ATXN7L1: variants seen among roughly 807,000 people sequenced by gnomAD.
ATXN7L1 encodes the protein ataxin-7-like protein 1.
In ATXN7L1, 15 loss-of-function variants were observed where a neutral mutation model predicts 70.8. The observed-to-expected ratio is 0.21, with a 90% CI of 0.14 to 0.33. ATXN7L1 has a LOEUF of 0.33. Ranked by LOEUF, ATXN7L1 falls within the 10% of genes least tolerant of loss-of-function variation. The probability of loss-of-function intolerance (pLI) is 1.00; values close to 1 mark genes in which losing one functional copy is unlikely to be tolerated. For missense variants in ATXN7L1, 975 were observed against 1,097.1 expected, an observed-to-expected ratio of 0.89 and a Z score of 1.57; for synonymous variants, 440 against 445.1, an observed-to-expected ratio of 0.99 and a Z score of 0.14.
At chr7:105,856,901 C>A (rs965962133) in intron 2 of ATXN7L1, among the ~76,000 whole-genome samples, 2 of 151,806 alleles carry the variant, frequency 1.3e-5, no homozygotes, top group Admixed American at 1.3e-4. Context: ...ACTAACACTA[C>A]CAAAGAAAAC....
chr7:105,676,483 G>A (rs1013611714), intron 3 of ATXN7L1, among the ~76,000 whole-genome samples: 2 of 152,194 alleles, frequency 1.3e-5, no homozygotes, highest in Non-Finnish European at 2.9e-5. Context: ...GGGCACGGGG[G>A]AGCCACAGAC....
At chr7:105,607,975 CTCA>C (rs1003868097) in intron 11 of ATXN7L1, 85 bp from the exon 12 acceptor site, 1 of 1,255,486 alleles carries the variant, frequency 8.0e-7, no homozygotes, top group Non-Finnish European at 1.1e-6. Context: ...ACTTAGTTTT[CTCA>C]TCTATAATAG....
chr7:105,685,493 C>G (rs1806071418), intron 3 of ATXN7L1, among the ~76,000 whole-genome samples: 1 of 152,178 alleles, frequency 6.6e-6, no homozygotes. Context: ...TAATGAGATT[C>G]CTGATCTCCT....
At chr7:105,815,605 A>T (rs1246093208) in intron 2 of ATXN7L1, among the ~76,000 whole-genome samples, 1 of 152,216 alleles carries the variant, frequency 6.6e-6, no homozygotes, top group Non-Finnish European at 1.5e-5. Flanking sequence ...GCACTTTCAG[A>T]CCCACATGGC....
chr7:105,677,950 C>G, intron 3 of ATXN7L1: 1 of 985,444 alleles, frequency 1.0e-6, no homozygotes. Context: ...ACTCACCCCA[C>G]AGACTGTCGT....
intron 3 of ATXN7L1, among the ~76,000 whole-genome samples, chr7:105,705,501 A>G (rs17151401): frequency 0.094 from 14,236 of 152,178 alleles, 724 homozygotes; most frequent in Non-Finnish European, 0.12. Flanking sequence ...TTTGATTGAC[A>G]TATGGCCTTG....
intron 2 of ATXN7L1, among the ~76,000 whole-genome samples, chr7:105,794,623 A>G (rs1199640599): frequency 6.6e-6 from 1 of 152,342 alleles, no homozygotes; most frequent in East Asian, 1.9e-4. Flanking sequence ...TATGAACTGA[A>G]CTGAAATGGA....
At chr7:105,769,189 A>G (rs945291679) in intron 3 of ATXN7L1, among the ~76,000 whole-genome samples, 2 of 152,236 alleles carry the variant, frequency 1.3e-5, no homozygotes, top group Non-Finnish European at 2.9e-5. Context: ...AAGATACTGT[A>G]GAAATGGAAG....
At chr7:105,873,137 G>C (rs1585207394) in intron 2 of ATXN7L1, among the ~76,000 whole-genome samples, 1 of 149,524 alleles carries the variant, frequency 6.7e-6, no homozygotes, top group African/African-American at 2.5e-5. Context: ...CTGGGCGGCA[G>C]AGCAAGACTC....
intron 4 of ATXN7L1, among the ~76,000 whole-genome samples, chr7:105,660,808 C>T (rs778817032): frequency 6.6e-6 from 1 of 152,042 alleles, no homozygotes; most frequent in Non-Finnish European, 1.5e-5. Flanking sequence ...GTCTTGAACT[C>T]CTGACCTCGT....
chr7:105,852,652 C>T (rs1200635622), intron 2 of ATXN7L1, among the ~76,000 whole-genome samples: 5 of 151,832 alleles, frequency 3.3e-5, no homozygotes, highest in African/African-American at 4.8e-5. Flanking sequence ...AGGTGCACCT[C>T]GGCTGGCTTA....
chr7:105,751,941 G>A (rs552638505), intron 3 of ATXN7L1, among the ~76,000 whole-genome samples: 2 of 152,328 alleles, frequency 1.3e-5, no homozygotes, highest in Non-Finnish European at 2.9e-5. Context: ...CCATAATCTT[G>A]AAAACCACCC....
chr7:105,632,921 TAAAAA>T (rs11417434), intron 7 of ATXN7L1, among the ~76,000 whole-genome samples: 1 of 60,040 alleles, frequency 1.7e-5, no homozygotes, highest in Admixed American at 3.1e-4. Context: ...ATCTTGTCTT[TAAAAA>T]AAAAAAAAAA....
At chr7:105,766,285 C>T (rs1241881575) in intron 3 of ATXN7L1, among the ~76,000 whole-genome samples, 1 of 151,990 alleles carries the variant, frequency 6.6e-6, no homozygotes, top group East Asian at 1.9e-4. Flanking sequence ...ATGTATCTCT[C>T]AAGCCACTTA....
At chr7:105,720,659 C>T (rs147491474) in intron 3 of ATXN7L1, among the ~76,000 whole-genome samples, 45 of 152,124 alleles carry the variant, frequency 3.0e-4, no homozygotes, top group East Asian at 1.9e-4. Flanking sequence ...TTGGTAGAGA[C>T]GGGGTCTCAA....
At chr7:105,816,331 A>G (rs1363771731) in intron 2 of ATXN7L1, among the ~76,000 whole-genome samples, 9 of 152,128 alleles carry the variant, frequency 5.9e-5, no homozygotes, top group Admixed American at 1.3e-4. Context: ...GTTTTAGAAA[A>G]CTCTGAGAGA....
At chr7:105,744,734 A>C (rs959727912) in intron 3 of ATXN7L1, among the ~76,000 whole-genome samples, 1 of 107,064 alleles carries the variant, frequency 9.3e-6, no homozygotes, top group Non-Finnish European at 1.9e-5. Context: ...CTCTTTCTTT[A>C]CTTTTTTTTT....
At chr7:105,824,921 C>CAAAAAAAAAAAA (rs202077099) in intron 2 of ATXN7L1, among the ~76,000 whole-genome samples, 1 of 95,576 alleles carries the variant, frequency 1.0e-5, no homozygotes, top group African/African-American at 4.1e-5. Context: ...GATTCCGTCT[C>CAAAAAAAAAAAA]AAAAAAAAAA....
chr7:105,689,834 T>C (rs1191002840), intron 3 of ATXN7L1, among the ~76,000 whole-genome samples: 7 of 152,170 alleles, frequency 4.6e-5, no homozygotes, highest in Non-Finnish European at 2.9e-5. Flanking sequence ...CTCCCCTGTA[T>C]GAGCCAGGCC....
Sources: gnomAD v4.1 joint callset for allele counts (sites outside exome capture counted in the v4.1 genomes callset) on GRCh38, gnomAD v4.1.1 for gene constraint, MANE v1.5 for transcripts, NCBI Gene and HGNC (gene_info 2026-07-23, HGNC 2026-07-21) for gene names.